Variants in MGLL observed in about 807,000 individuals in gnomAD.
MGLL encodes lysophospholipase homolog.
MGLL carries 7 observed loss-of-function variants against 29.1 expected under a neutral mutation model. The ratio of observed to expected loss-of-function variants is 0.24; its 90% confidence interval spans 0.14 to 0.45. The LOEUF is 0.45. MGLL is among the 20% of genes least tolerant of loss of function. MGLL has a pLI of 0.99. For missense variants in MGLL, 356 were observed against 413.6 expected (o/e 0.86, Z 1.21); for synonymous variants, 148 against 168.3 (o/e 0.88, Z 0.93).
intron 3 of MGLL, among the ~76,000 whole-genome samples, chr3:127,733,405 A>C (rs967420611): frequency 6.6e-6 from 1 of 152,180 alleles, no homozygotes; most frequent in African/African-American, 2.4e-5. Flanking sequence ...TACTTTCCTA[A>C]TAAACTCGCT....
At position 127,726,940 on chromosome 3, in the gene MGLL, C is replaced by A. The variant is rs75990683; in HGVS notation, c.263-4374G>T. ...TCCCTAATATCATCTAATATACAAT[C>A]CAAATTCGAATTTCCCCATTGTCTC... On this transcript the variant is annotated intron_variant, in intron 3 of 7. Transcript: ENST00000265052. Among the ~76,000 whole-genome samples the A allele has an allele frequency of 6.2e-3, 944 of 152,326 alleles. 16 individuals are homozygous for A. The highest frequency in any genetic ancestry group is 0.022 in the African/African-American group (916 of 41,572).
chr3:127,817,914 C>T (rs185270305), intron 2 of MGLL, among the ~76,000 whole-genome samples: 173 of 152,374 alleles, frequency 1.1e-3, no homozygotes, highest in African/African-American at 3.6e-3. Context: ...CAGTCTCCAT[C>T]GCCGTGCTGA....
At position 127,762,978 on chromosome 3, in the gene MGLL, C is replaced by A. The variant is rs183443027; in HGVS notation, c.262+18811G>T. On this transcript the variant is annotated intron_variant, in intron 3 of 7. Transcript: ENST00000265052. ...TGTCACTCCAGACTCTGCCTTCCCC[C>A]CATGGCAGCCTCCCCAGCTTTGCCC... Among the ~76,000 whole-genome samples the A allele has an allele frequency of 2.6e-3, 399 of 152,326 alleles. 1 individual carries two copies. The highest frequency in any genetic ancestry group is 9.3e-3 in the African/African-American group (388 of 41,576).
intron 2 of MGLL, among the ~76,000 whole-genome samples, chr3:127,807,724 G>A (rs867569937): frequency 1.4e-5 from 2 of 146,152 alleles, no homozygotes; most frequent in South Asian, 2.2e-4. Flanking sequence ...CCCTACTCTG[G>A]CTAATTTAGA....
chr3:127,719,009 A>G (rs2075868818), intron 5 of MGLL, among the ~76,000 whole-genome samples: 1 of 152,174 alleles, frequency 6.6e-6, no homozygotes, highest in Non-Finnish European at 1.5e-5. Context: ...GATCTCAGGG[A>G]GGGGAAGCTG....
intron 6 of MGLL, among the ~76,000 whole-genome samples, 164 bp downstream of exon 6, chr3:127,710,412 C>T (rs1171259603): frequency 1.3e-5 from 2 of 152,200 alleles, no homozygotes; most frequent in Non-Finnish European, 2.9e-5. Flanking sequence ...CCCTTTTCAC[C>T]CAAACCTGAA....
intron 2 of MGLL, among the ~76,000 whole-genome samples, chr3:127,785,819 C>G (rs2077202682): frequency 6.6e-6 from 1 of 152,254 alleles, no homozygotes; most frequent in Admixed American, 6.5e-5. Context: ...TGCAGCCACT[C>G]AGCAGAGAAC....
At chr3:127,710,879 G>T in intron 5 of MGLL, 1 of 579,466 alleles carries the variant, frequency 1.7e-6, no homozygotes, top group Non-Finnish European at 3.1e-6. Context: ...CACCTTGGGG[G>T]AGCTGGCCAG....
At chr3:127,801,161 G>C (rs2077472008) in intron 2 of MGLL, among the ~76,000 whole-genome samples, 1 of 151,618 alleles carries the variant, frequency 6.6e-6, no homozygotes, top group African/African-American at 2.4e-5. Context: ...AACTAGCCAG[G>C]CCTGATGGCA....
Position 127,771,538 on chromosome 3 carries a change from AAG to A in MGLL, c.262+10249_262+10250del, listed in dbSNP as rs1289588518. On this transcript the variant is annotated intron_variant, in intron 3 of 7. Coordinates refer to ENST00000265052, the MANE Select transcript of MGLL (RefSeq NM_007283.7). ...AGCACTGCTAATTTTTGTGTTTTTT[AAG>A]AGACAGGGTTTTGACATGTTGTCCA... is the stretch of plus-strand genomic sequence containing the variant. Among the ~76,000 whole-genome samples the A allele has an allele frequency of 2.0e-5, 3 of 152,092 alleles. No homozygotes were observed. The East Asian group carries it at 5.8e-4, about 29-fold the overall frequency.
In MGLL at chr3:127,692,035, T is replaced by C. The variant is rs2107573314; in HGVS notation, c.*163A>G. 1 of 961,186 alleles carries C rather than the reference T, an allele frequency of 1.0e-6. No individual in the cohort carries two copies. The highest frequency in any genetic ancestry group is 2.6e-5 in the East Asian group (1 of 38,126). 59.5% of individuals were successfully genotyped at this position (961,186 alleles called of 1,614,324 possible). A position where few individuals can be genotyped will look rare whatever the true frequency, so the allele number is the denominator to read the frequency against. On this transcript the variant is annotated 3_prime_UTR_variant, in exon 8 of 8. Transcript: ENST00000265052. Reference sequence around the variant, plus strand: ...AGGTCCAGTGTCTGATAGTCTAATGTATAACAAAAATGTCTGTTATTTTTT... The same window carrying C: ...AGGTCCAGTGTCTGATAGTCTAATGCATAACAAAAATGTCTGTTATTTTTT...
At chr3:127,790,861 T>A (rs2077288019) in intron 2 of MGLL, among the ~76,000 whole-genome samples, 1 of 152,186 alleles carries the variant, frequency 6.6e-6, no homozygotes, top group Non-Finnish European at 1.5e-5. Context: ...TCTAGGAGCC[T>A]GATCCTTCTT....
At chr3:127,741,723 C>G (rs953672282) in intron 3 of MGLL, among the ~76,000 whole-genome samples, 5 of 152,202 alleles carry the variant, frequency 3.3e-5, no homozygotes, top group African/African-American at 1.2e-4. Context: ...CTAGACAAAG[C>G]CTTTTTCTAT....
chr3:127,710,539 A>G, intron 6 of MGLL, 37 bp downstream of exon 6: 1 of 1,491,228 alleles, frequency 6.7e-7, no homozygotes, highest in African/African-American at 1.4e-5. Flanking sequence ...GGGGGCAGCC[A>G]CCCAAGCTAC....
intron 3 of MGLL, among the ~76,000 whole-genome samples, chr3:127,743,572 TAAAA>T (rs35691902): frequency 7.4e-5 from 3 of 40,698 alleles, no homozygotes; most frequent in African/African-American, 1.2e-4. Flanking sequence ...CCACTAATGC[TAAAA>T]AAAAAAAAAA....
chr3:127,807,392 C>T (rs1468633467), intron 2 of MGLL, among the ~76,000 whole-genome samples: 1 of 151,892 alleles, frequency 6.6e-6, no homozygotes, highest in Non-Finnish European at 1.5e-5. Flanking sequence ...GAAGATTTAT[C>T]AATTTTATTG....
chr3:127,704,383 C>G (rs1220298115), intron 6 of MGLL, among the ~76,000 whole-genome samples: 1 of 152,166 alleles, frequency 6.6e-6, no homozygotes, highest in Non-Finnish European at 1.5e-5. Context: ...CAAATGGTAT[C>G]TAATTAAACT....
chr3:127,707,650 G>T (rs923839140), intron 6 of MGLL, among the ~76,000 whole-genome samples: 4 of 152,220 alleles, frequency 2.6e-5, no homozygotes, highest in African/African-American at 9.6e-5. Context: ...TACAAATGCT[G>T]GTAATAAGAC....
intron 3 of MGLL, among the ~76,000 whole-genome samples, chr3:127,730,794 T>C (rs1472006817): frequency 2.0e-5 from 3 of 152,216 alleles, no homozygotes; most frequent in Non-Finnish European, 2.9e-5. Context: ...GGCTCTGTGC[T>C]GCAGTGGCTT....
Sources: allele counts gnomAD v4.1 joint callset (sites outside exome capture counted in the v4.1 genomes callset), GRCh38; gene constraint gnomAD v4.1.1; transcripts MANE v1.5; gene names NCBI Gene and HGNC (gene_info 2026-07-23, HGNC 2026-07-21).